Variants in SLC12A7 observed in about 807,000 individuals in gnomAD.
SLC12A7 encodes K-Cl cotransporter 4.
In SLC12A7, 100 loss-of-function variants were observed where a neutral mutation model predicts 120.6. The ratio of observed to expected loss-of-function variants is 0.83; its 90% CI spans 0.71 to 0.98. The LOEUF is 0.98. Ranked by LOEUF, SLC12A7 falls within the 50% of genes least tolerant of loss-of-function variation. The probability of loss-of-function intolerance (pLI) is 0.00; values close to 1 mark genes in which losing one functional copy is unlikely to be tolerated. For synonymous variants in SLC12A7, 760 were observed against 678.0 expected, an observed-to-expected ratio of 1.12 and a Z score of -1.88; for missense variants, 1,373 against 1,548.1, an observed-to-expected ratio of 0.89 and a Z score of 1.90.
the SLC12A7 span, among the ~76,000 whole-genome samples, chr5:1,155,885 G>T: frequency 1.3e-5 from 2 of 151,516 alleles, no homozygotes; most frequent in African/African-American, 4.8e-5. Flanking sequence ...CGACGGCTGC[G>T]GGGAGCGGGG....
the SLC12A7 span, among the ~76,000 whole-genome samples, chr5:1,147,549 G>C: frequency 6.6e-6 from 1 of 152,128 alleles, no homozygotes; most frequent in East Asian, 1.9e-4. Flanking sequence ...CAGCCCCTCA[G>C]CTGAAGCCAA....
At chr5:1,085,155 G>C in intron 7 of SLC12A7, 77 bp downstream of exon 7, 5 of 1,561,484 alleles carry the variant, frequency 3.2e-6, no homozygotes, top group Non-Finnish European at 4.3e-6. Context: ...AAGGATGATG[G>C]ACGAGAGGCG....
intron 1 of SLC12A7, among the ~76,000 whole-genome samples, chr5:1,105,920 G>A (rs1400609500): frequency 6.6e-6 from 1 of 152,200 alleles, no homozygotes; most frequent in African/African-American, 2.4e-5. Flanking sequence ...ATGCCCCACA[G>A]TGGGAGGGGG....
chr5:1,080,186 C>A (rs1450212561), intron 9 of SLC12A7, among the ~76,000 whole-genome samples: 4 of 149,758 alleles, frequency 2.7e-5, no homozygotes, highest in African/African-American at 7.4e-5. Context: ...CAGAGACACC[C>A]GGAGCCACGC....
At position 1,083,964 on chromosome 5, in the gene SLC12A7, G is replaced by A. The variant is rs1270308042; in HGVS notation, c.918-8C>T. On this transcript the variant is annotated splice_region_variant and splice_polypyrimidine_tract_variant and intron_variant, in intron 7 of 23. Transcript: ENST00000264930. ...TTCCCCAGGAGGCAGACCCTGGGCGGGACAGGGAGGCACGGCACGTGTGCT... is the reference window on the plus strand; with the variant it reads ...TTCCCCAGGAGGCAGACCCTGGGCGAGACAGGGAGGCACGGCACGTGTGCT... The A allele has an allele frequency of 6.3e-7, 1 of 1,598,576 alleles. No individual in the cohort carries two copies.
At chr5:1,066,090 C>T (rs968568980) in intron 17 of SLC12A7, among the ~76,000 whole-genome samples, 1 of 152,182 alleles carries the variant, frequency 6.6e-6, no homozygotes, top group Non-Finnish European at 1.5e-5. Flanking sequence ...GCACTAAAGC[C>T]ATGCATGTGT....
At position 1,083,929 on chromosome 5, in the gene SLC12A7, C is replaced by T. The variant is rs766706878; in HGVS notation, c.945G>A (p.Leu315=). Residue 315 remains leucine (L), a synonymous_variant, in exon 8 of 24, where the codon CTG becomes CTA. Coordinates refer to ENST00000264930, the MANE Select transcript of SLC12A7 (RefSeq NM_006598.3). ...CGCAGGCATCGAAGCTGCGCCGTGACAGCGTGCGGTTCCCCAGGAGGCAGA... is the reference window on the plus strand; with the variant it reads ...CGCAGGCATCGAAGCTGCGCCGTGATAGCGTGCGGTTCCCCAGGAGGCAGA... The part of the protein sequence containing the change: ...IPVCLLGNRT[L]SRRSFDACVK... 4.4e-6 allele frequency: 7 copies of T among 1,604,554 alleles called. No individual in the cohort carries two copies. Among genetic ancestry groups the T allele is most frequent in the African/African-American group, 1.3e-5 (1 of 74,894 alleles).
At position 1,095,262 on chromosome 5, in the gene SLC12A7, A is replaced by G. The variant is rs1320170308; in HGVS notation, c.125-1014T>C. On this transcript the variant is annotated intron_variant, in intron 1 of 23. Transcript: ENST00000264930. ...AGAACTCTGAGAAGTTTCTGTGTTC[A>G]TGAATCACCTGACCTGGGGGACTGT... Among the ~76,000 whole-genome samples, 3 of 152,190 alleles carry G rather than the reference A, an allele frequency of 2.0e-5. No individual in the cohort carries two copies. In the East Asian group the frequency reaches 5.8e-4, roughly 29 times the overall value.
rs529753362 is a variant in SLC12A7 at position 1,111,338 on chromosome 5, C to T, written c.124+530G>A. ...GCCTGAGCAAGGCCCCGGTGGCTGCCCCCTCCCCAGCCAGGGCGCAGTCCT... is the reference window on the plus strand; with the variant it reads ...GCCTGAGCAAGGCCCCGGTGGCTGCTCCCTCCCCAGCCAGGGCGCAGTCCT... On this transcript the variant is annotated intron_variant, in intron 1 of 23. Transcript: ENST00000264930. 2.9e-3 allele frequency among the ~76,000 whole-genome samples: 442 copies of T among 152,278 alleles called. 3 individuals carry two copies. The highest frequency in any genetic ancestry group is 0.01 in the African/African-American group (419 of 41,564).
At position 1,111,860 on chromosome 5, in the gene SLC12A7, G is replaced by A. The variant is rs537301487; in HGVS notation, c.124+8C>T. On this transcript the variant is annotated splice_region_variant and intron_variant, in intron 1 of 23. Transcript: ENST00000264930. ...GGCCTTTGTCCGGCCAGGTGCGGCC[G>A]CGCTCACCCGGGCTGGGGCGCTCGG... 3 of 1,207,930 alleles carry A rather than the reference G, an allele frequency of 2.5e-6. No individual in the cohort carries two copies. The highest frequency in any genetic ancestry group is 6.8e-5 in the East Asian group (2 of 29,332). 74.8% of individuals were successfully genotyped at this position (1,207,930 alleles called of 1,614,324 possible).
the SLC12A7 span, among the ~76,000 whole-genome samples, chr5:1,140,480 G>A: frequency 3.2e-4 from 41 of 126,966 alleles, no homozygotes; most frequent in African/African-American, 1.4e-3. Context: ...CTGGTGAGTG[G>A]GTGCCCCCTG....
Position 1,053,407 on chromosome 5 carries a change from C to G in SLC12A7, c.3102G>C (p.Ala1034=), listed in dbSNP as rs142760877. The G allele has an allele frequency of 2.2e-5, 36 of 1,613,900 alleles. No individual in the cohort carries two copies. The highest frequency in any genetic ancestry group is 3.3e-4 in the Middle Eastern group (2 of 6,084). Residue 1034 remains alanine, a synonymous_variant, in exon 23 of 24, where the codon GCG becomes GCC. Transcript: ENST00000264930. ...NGVVLNKSQD[A]QLVLLNMPGP... is the part of the protein sequence containing the mutation. The stretch of plus-strand genomic sequence containing the variant: ...CTGGCATGTTGAGCAGGACCAGCTG[C>G]GCATCCTGGGACTTGTTGAGGACGA...
At chr5:1,094,329 G>T in intron 1 of SLC12A7, 81 bp from the exon 2 acceptor site, 1 of 988,734 alleles carries the variant, frequency 1.0e-6, no homozygotes, top group South Asian at 1.3e-5. Context: ...ATCTTGCACG[G>T]AGGGCTCTGG....
intron 1 of SLC12A7, among the ~76,000 whole-genome samples, chr5:1,101,820 C>A (rs2150900496): frequency 6.6e-6 from 1 of 150,512 alleles, no homozygotes; most frequent in East Asian, 2.0e-4. Flanking sequence ...TTGTGGCCCT[C>A]CGGAGCCGCT....
chr5:1,061,689 C>T (rs1331506804), intron 20 of SLC12A7, among the ~76,000 whole-genome samples: 1 of 152,216 alleles, frequency 6.6e-6, no homozygotes, highest in Non-Finnish European at 1.5e-5. Flanking sequence ...GTGGCTCACA[C>T]CTGTCATCCC....
chr5:1,075,546 C>T (rs1738240360), intron 14 of SLC12A7, 56 bp from the exon 15 acceptor site: 2 of 1,569,610 alleles, frequency 1.3e-6, no homozygotes, highest in East Asian at 2.3e-5. Flanking sequence ...CCCCACACCT[C>T]AGCCACCACC....
At chr5:1,107,241 T>TGTTAGGCGTAGCCTTAAC (rs1307907462) in intron 1 of SLC12A7, among the ~76,000 whole-genome samples, 2 of 152,254 alleles carry the variant, frequency 1.3e-5, no homozygotes, top group Non-Finnish European at 2.9e-5. Flanking sequence ...CGTGGTTCTG[T>TGTTAGGCGTAGCCTTAAC]GTTAGGCGTA....
Position 1,057,536 on chromosome 5 carries a change from G to T in SLC12A7, c.2961C>A (p.Ile987=). 1 of 1,613,296 alleles carries T rather than the reference G, an allele frequency of 6.2e-7. No homozygotes were observed. The highest frequency in any genetic ancestry group is 8.5e-7 in the Non-Finnish European group (1 of 1,179,958). ...VQMTWTREKL[I]AEKYRSRDTS... is the part of the protein sequence containing the mutation. ...TGTCTCTGCTCCTGTACTTCTCAGC[G>T]ATCAGCTTCTCCCTGGTCCAGGTCA... Residue 987 remains isoleucine, a synonymous_variant, in exon 22 of 24, where the codon ATC becomes ATA. Coordinates refer to ENST00000264930, the MANE Select transcript of SLC12A7 (RefSeq NM_006598.3).
At chr5:1,057,807 C>T (rs148289113) in intron 21 of SLC12A7, among the ~76,000 whole-genome samples, 158 bp from the exon 22 acceptor site, 9 of 152,262 alleles carry the variant, frequency 5.9e-5, no homozygotes, top group Admixed American at 2.0e-4. Flanking sequence ...ACTGGTCCTG[C>T]GCCGCCCCCG....
Sources: gnomAD v4.1 joint callset for allele counts (sites outside exome capture counted in the v4.1 genomes callset) on GRCh38, gnomAD v4.1.1 for gene constraint, MANE v1.5 for transcripts, NCBI Gene and HGNC (gene_info 2026-07-23, HGNC 2026-07-21) for gene names.